The following RIPOR3 variants were observed in gnomAD, a reference collection of about 807,000 sequenced individuals.
RIPOR3 encodes the protein RIPOR family member 3.
In RIPOR3, 95 loss-of-function variants were observed where a neutral mutation model predicts 114.3. The ratio of observed to expected loss-of-function variants is 0.83; its 90% CI spans 0.70 to 0.99. RIPOR3 has a LOEUF of 0.99. RIPOR3 is among the 50% of genes least tolerant of loss of function. The probability of loss-of-function intolerance (pLI) is 0.00; values close to 1 mark genes in which losing one functional copy is unlikely to be tolerated. For synonymous variants in RIPOR3, 575 were observed against 543.8 expected (o/e 1.06, Z -0.80); for missense variants, 1,252 against 1,266.9 (o/e 0.99, Z 0.18).
intron 13 of RIPOR3, among the ~76,000 whole-genome samples, chr20:50,598,453 G>C (rs1271308103): frequency 6.6e-6 from 1 of 151,980 alleles, no homozygotes; most frequent in East Asian, 1.9e-4. Context: ...CTGCAGCCAA[G>C]GCACAGCCCA....
chr20:50,643,807 G>A (rs1056601547), intron 1 of RIPOR3, among the ~76,000 whole-genome samples: 4 of 149,918 alleles, frequency 2.7e-5, no homozygotes, highest in South Asian at 2.1e-4. Context: ...CCGGGTTCAC[G>A]CCATTCTGCC....
Position 50,603,056 on chromosome 20 carries a change from G to A in RIPOR3, c.1087-412C>T, listed in dbSNP as rs113821395. Among the ~76,000 whole-genome samples the A allele has an allele frequency of 4.6e-3, 693 of 152,276 alleles. 7 individuals carry two copies. Among genetic ancestry groups the A allele is most frequent in the African/African-American group, 0.016 (660 of 41,538 alleles). Reference sequence around the variant, plus strand: ...CTGTCCTGGACAGCCTTTTTTAAGTGGCAATTTCTACCTGGCCCCAGTGGG... The same window carrying A: ...CTGTCCTGGACAGCCTTTTTTAAGTAGCAATTTCTACCTGGCCCCAGTGGG... On this transcript the variant is annotated intron_variant, in intron 12 of 21. Coordinates refer to ENST00000327979, the MANE Select transcript of RIPOR3 (RefSeq NM_001290268.2).
At chr20:50,665,035 G>A (rs1232902042) in intron 1 of RIPOR3, among the ~76,000 whole-genome samples, 2 of 152,118 alleles carry the variant, frequency 1.3e-5, no homozygotes, top group African/African-American at 4.8e-5. Flanking sequence ...CCAGGAGGCA[G>A]AGATTGCAGT....
intron 1 of RIPOR3, among the ~76,000 whole-genome samples, chr20:50,665,667 G>A (rs1200346037): frequency 6.6e-6 from 1 of 151,934 alleles, no homozygotes; most frequent in African/African-American, 2.4e-5. Flanking sequence ...TGATCCACCC[G>A]CCTTGGCCTC....
chr20:50,593,889 C>G (rs1191401114), intron 17 of RIPOR3, among the ~76,000 whole-genome samples: 2 of 152,018 alleles, frequency 1.3e-5, no homozygotes, highest in Non-Finnish European at 2.9e-5. Context: ...TCTAGATACC[C>G]TCGTGGGCCC....
intron 1 of RIPOR3, among the ~76,000 whole-genome samples, chr20:50,684,029 C>G (rs1394755952): frequency 6.6e-6 from 1 of 151,530 alleles, no homozygotes; most frequent in East Asian, 1.9e-4. Context: ...TGCAGTGAGC[C>G]GAGATTACAC....
chr20:50,671,416 GCA>G (rs1247850712), intron 1 of RIPOR3, among the ~76,000 whole-genome samples: 6 of 41,570 alleles, frequency 1.4e-4, no homozygotes, highest in East Asian at 1.1e-3. Flanking sequence ...ACGCGCGCGT[GCA>G]CGCGCGCGCG....
Position 50,679,165 on chromosome 20 carries a change from C to CACAGAG in RIPOR3, c.3+11960_3+11961insCTCTGT, listed in dbSNP as rs1351661529. ...ATATATATATACACACACACACACA[C>CACAGAG]AGAGAGAGAGAGATACACATATAAT... On this transcript the variant is annotated intron_variant, in intron 1 of 21. Transcript: ENST00000327979. Among the ~76,000 whole-genome samples the CACAGAG allele has an allele frequency of 3.3e-4, 36 of 109,022 alleles. No homozygotes were observed. In the East Asian group the frequency reaches 3.6e-3, roughly 11 times the overall value. The allele number at this position is 109,022 out of a possible 152,430, so 71.5% of individuals were successfully genotyped here.
chr20:50,669,025 C>T (rs550976363), intron 1 of RIPOR3, among the ~76,000 whole-genome samples: 2 of 152,182 alleles, frequency 1.3e-5, no homozygotes, highest in South Asian at 4.2e-4. Flanking sequence ...AGGACAGTCA[C>T]ACACATGCAC....
chr20:50,609,907 T>A (rs950046010), intron 6 of RIPOR3, among the ~76,000 whole-genome samples, 185 bp from the exon 7 acceptor site: 16 of 151,918 alleles, frequency 1.1e-4, no homozygotes, highest in African/African-American at 3.1e-4. Context: ...CAGTAGAACA[T>A]GAACCCCCAT....
chr20:50,635,034 AAAAC>A (rs954254026), intron 1 of RIPOR3, among the ~76,000 whole-genome samples: 4 of 152,230 alleles, frequency 2.6e-5, no homozygotes, highest in African/African-American at 7.2e-5. Flanking sequence ...CTCCATCTCA[AAAAC>A]AAACAAACAA....
At chr20:50,627,009 C>T (rs1407537110) in intron 2 of RIPOR3, among the ~76,000 whole-genome samples, 27 of 129,744 alleles carry the variant, frequency 2.1e-4, no homozygotes, top group African/African-American at 7.2e-4. Context: ...AGCAAAAGTC[C>T]GTCTCAAGAA....
intron 2 of RIPOR3, among the ~76,000 whole-genome samples, chr20:50,627,271 C>A (rs1327327405): frequency 2.6e-5 from 4 of 150,978 alleles, no homozygotes; most frequent in Non-Finnish European, 5.9e-5. Flanking sequence ...GAGGCCGAGG[C>A]AGGTGGATCA....
At chr20:50,631,174 G>C (rs969584310) in intron 1 of RIPOR3, among the ~76,000 whole-genome samples, 1 of 152,064 alleles carries the variant, frequency 6.6e-6, no homozygotes. Flanking sequence ...CTCACCCCCC[G>C]AGCTTCTCCT....
intron 1 of RIPOR3, among the ~76,000 whole-genome samples, chr20:50,686,010 AAT>A (rs1272686298): frequency 6.6e-6 from 1 of 152,102 alleles, no homozygotes; most frequent in African/African-American, 2.4e-5. Flanking sequence ...CAAAGAAAAA[AAT>A]AGGAATGAAG....
chr20:50,671,352 C>T (rs6126069), intron 1 of RIPOR3, among the ~76,000 whole-genome samples: 124,761 of 151,906 alleles, frequency 0.82, 51,956 homozygotes, highest in East Asian at 0.96. Flanking sequence ...TCCAAGATTA[C>T]GTTATAAAAG....
rs866487869 is a variant in RIPOR3, at chr20:50,647,154, T to C, written c.4-16298A>G. 5.9e-5 allele frequency among the ~76,000 whole-genome samples: 9 copies of C among 152,228 alleles called. 1 individual carries two copies. In the South Asian group the frequency reaches 1.9e-3, roughly 32 times the overall value. Reference sequence around the variant, plus strand: ...GGCCAACATGGCAAAACCCTGTCTCTATTAAAAATACAAAAATTAGCCAGG... The same window carrying C: ...GGCCAACATGGCAAAACCCTGTCTCCATTAAAAATACAAAAATTAGCCAGG... On this transcript the variant is annotated intron_variant, in intron 1 of 21. Transcript: ENST00000327979.
intron 1 of RIPOR3, chr20:50,646,001 C>T (rs1377316332): frequency 6.6e-6 from 1 of 152,228 alleles, no homozygotes. Flanking sequence ...GAGACTGTTC[C>T]AGGCACTCTG....
At chr20:50,592,594 G>T in intron 18 of RIPOR3, 48 bp from the exon 19 acceptor site, 1 of 1,402,734 alleles carries the variant, frequency 7.1e-7, no homozygotes, top group Non-Finnish European at 9.3e-7. Context: ...ATGGGAGTTT[G>T]GCAGGACAGC....
Sources: allele counts gnomAD v4.1 joint callset (sites outside exome capture counted in the v4.1 genomes callset), GRCh38; gene constraint gnomAD v4.1.1; transcripts MANE v1.5; gene names NCBI Gene and HGNC (gene_info 2026-07-23, HGNC 2026-07-21).